CIPC: variants seen among roughly 807,000 people sequenced by gnomAD.
CIPC encodes CLOCK interacting pacemaker, also known as CLOCK-interacting pacemaker.
In CIPC, 12 loss-of-function variants were observed where a neutral mutation model predicts 26.7. The observed-to-expected ratio is 0.45, with a 90% CI of 0.29 to 0.73. CIPC has a LOEUF of 0.73. Ranked by LOEUF, CIPC falls within the 30% of genes least tolerant of loss-of-function variation. The probability of loss-of-function intolerance (pLI) is 0.12; values close to 1 mark genes in which losing one functional copy is unlikely to be tolerated. For missense variants in CIPC, 417 were observed against 486.5 expected (o/e 0.86, Z 1.34); for synonymous variants, 170 against 189.8 (o/e 0.90, Z 0.86).
At chr14:77,098,390 G>A (rs980620351) in intron 1 of CIPC, 29 bp downstream of exon 1, 1 of 152,972 alleles carries the variant, frequency 6.5e-6, no homozygotes, top group Non-Finnish European at 1.5e-5. Context: ...GGTCCGGGAG[G>A]AGGGGAGCAG....
intron 1 of CIPC, among the ~76,000 whole-genome samples, chr14:77,100,857 C>T (rs1886467348): frequency 6.6e-6 from 1 of 152,208 alleles, no homozygotes; most frequent in Non-Finnish European, 1.5e-5. Flanking sequence ...GTGTGAGCCA[C>T]CACACCCGGC....
Position 77,114,810 on chromosome 14 carries a change from G to A in CIPC, c.*492G>A, listed in dbSNP as rs116325448. On this transcript the variant is annotated 3_prime_UTR_variant, in exon 4 of 4. Coordinates refer to ENST00000361786, the MANE Select transcript of CIPC (RefSeq NM_033426.3). ...GGTTGTTTGCATCCCACAAGGCATCGTACTAGTTGGGCGAGACCTAAAATT... is the reference window on the plus strand; with the variant it reads ...GGTTGTTTGCATCCCACAAGGCATCATACTAGTTGGGCGAGACCTAAAATT... 4.6e-3 allele frequency: 723 copies of A among 157,402 alleles called. 9 individuals carry two copies. Among genetic ancestry groups the A allele is most frequent in the African/African-American group, 0.017 (692 of 41,570 alleles). 9.8% of individuals were successfully genotyped at this position (157,402 alleles called of 1,614,324 possible).
chr14:77,102,502 A>G (rs976000483), intron 1 of CIPC, among the ~76,000 whole-genome samples: 6 of 152,234 alleles, frequency 3.9e-5, no homozygotes, highest in African/African-American at 9.6e-5. Flanking sequence ...CTCTTATCCT[A>G]CAAATTCTCA....
intron 3 of CIPC, among the ~76,000 whole-genome samples, chr14:77,111,228 G>A (rs1279081090): frequency 1.3e-5 from 2 of 152,126 alleles, no homozygotes; most frequent in East Asian, 1.9e-4. Context: ...AGGCTAGGCT[G>A]GCAGCTCCAG....
At chr14:77,110,255 C>G (rs767396085) in intron 3 of CIPC, among the ~76,000 whole-genome samples, 1 of 151,980 alleles carries the variant, frequency 6.6e-6, no homozygotes. Flanking sequence ...CAAAGAGACC[C>G]TGAAATGTAT....
At chr14:77,100,729 C>T (rs1160381718) in intron 1 of CIPC, among the ~76,000 whole-genome samples, 4 of 151,606 alleles carry the variant, frequency 2.6e-5, no homozygotes, top group African/African-American at 9.7e-5. Context: ...CCACCACACC[C>T]AGCTAATTTT....
chr14:77,106,846 A>G (rs1160080377), intron 2 of CIPC, among the ~76,000 whole-genome samples: 2 of 152,236 alleles, frequency 1.3e-5, no homozygotes, highest in East Asian at 3.8e-4. Flanking sequence ...GGATTAGATT[A>G]AAAGGAATTA....
intron 1 of CIPC, among the ~76,000 whole-genome samples, chr14:77,104,330 C>T (rs916154026): frequency 1.3e-5 from 2 of 152,112 alleles, no homozygotes; most frequent in Non-Finnish European, 2.9e-5. Context: ...GAGGCTGCAG[C>T]GAGCCATGAT....
chr14:77,102,759 A>G (rs776436684), intron 1 of CIPC, among the ~76,000 whole-genome samples: 14 of 152,168 alleles, frequency 9.2e-5, no homozygotes, highest in Non-Finnish European at 1.9e-4. Flanking sequence ...ATCTAAATCA[A>G]CAGCCTGGTC....
intron 2 of CIPC, 95 bp from the exon 3 acceptor site, chr14:77,109,717 G>C: frequency 2.7e-6 from 3 of 1,100,984 alleles, no homozygotes; most frequent in Non-Finnish European, 3.9e-6. Flanking sequence ...CACAAGTGTT[G>C]CATTCAATTT....
intron 1 of CIPC, among the ~76,000 whole-genome samples, chr14:77,101,395 C>A (rs1309638024): frequency 6.6e-6 from 1 of 152,158 alleles, no homozygotes; most frequent in African/African-American, 2.4e-5. Flanking sequence ...AATGCTAAGG[C>A]TTTTTGCTGC....
At chr14:77,101,899 AACATAG>A (rs1452038278) in intron 1 of CIPC, among the ~76,000 whole-genome samples, 1 of 152,148 alleles carries the variant, frequency 6.6e-6, no homozygotes, top group Non-Finnish European at 1.5e-5. Context: ...CAGCTTGGGC[AACATAG>A]CAAGACCCAG....
At chr14:77,108,244 T>C (rs1021593530) in intron 2 of CIPC, among the ~76,000 whole-genome samples, 4 of 152,252 alleles carry the variant, frequency 2.6e-5, no homozygotes, top group Non-Finnish European at 4.4e-5. Context: ...CAGATTTCTT[T>C]ACCATTAAAG....
chr14:77,105,940 C>A (rs1886583684), intron 2 of CIPC, 96 bp downstream of exon 2: 1 of 1,405,788 alleles, frequency 7.1e-7, no homozygotes, highest in Admixed American at 1.9e-5. Context: ...GGATGGGATG[C>A]TTTCACACAC....
chr14:77,113,271 C>T (rs1886738692), intron 3 of CIPC, 154 bp from the exon 4 acceptor site: 2 of 790,868 alleles, frequency 2.5e-6, no homozygotes, highest in Non-Finnish European at 4.3e-6. Flanking sequence ...TGATATCAGA[C>T]ACAAATAGAT....
At chr14:77,100,240 CTTTTTTTT>C (rs57785837) in intron 1 of CIPC, among the ~76,000 whole-genome samples, 1 of 130,522 alleles carries the variant, frequency 7.7e-6, no homozygotes, top group Non-Finnish European at 1.6e-5. Context: ...TTCTTTCTTT[CTTTTTTTT>C]TTTTTTTTTT....
chr14:77,109,848 T>TG lies in CIPC; in HGVS notation c.175dup (p.Glu59GlyfsTer61). On this transcript the variant is annotated frameshift_variant, in exon 3 of 4. Coordinates refer to ENST00000361786, the MANE Select transcript of CIPC (RefSeq NM_033426.3). LOFTEE classifies it high-confidence loss of function. ...GAATGTCTGAGCTCTGCAGAGCAGA[T>TG]GGAGTCCGAGGACATGCTGAGCGCC... The TG allele has an allele frequency of 6.2e-7, 1 of 1,614,140 alleles. No individual in the cohort carries two copies. Among genetic ancestry groups the TG allele is most frequent in the Non-Finnish European group, 8.5e-7 (1 of 1,180,000 alleles).
rs1445992697 is a variant in CIPC, at chr14:77,114,256, A to G, written c.1138A>G (p.Thr380Ala). 6.2e-7 allele frequency: 1 copy of G among 1,614,052 alleles called. No homozygotes were observed. The highest frequency in any genetic ancestry group is 2.2e-5 in the East Asian group (1 of 44,870). The change falls in exon 4 of 4, where the codon ACA (threonine) becomes GCA (alanine). Residue 380 changes from threonine to alanine, a missense_variant. Physicochemically the swap from Thr to Ala is moderately conservative, Grantham distance 58 (BLOSUM62 0). Coordinates refer to ENST00000361786, the MANE Select transcript of CIPC (RefSeq NM_033426.3). ...QAWAKLQASL[T>A]PGSSNTGSDL... ...TTGGGCCAAGCTGCAGGCATCTTTA[A>G]CACCTGGGTCCAGTAATACAGGCAG... is the stretch of plus-strand genomic sequence containing the variant.
At position 77,112,607 on chromosome 14, in the gene CIPC, T is replaced by C. The variant is rs1268425313; in HGVS notation, c.307-818T>C. ...CAGCACCAATACATGGTAGCTGTTA[T>C]TATTTTGAATGGTTTTATGATTGTT... is the stretch of plus-strand genomic sequence containing the variant. On this transcript the variant is annotated intron_variant, in intron 3 of 3. Coordinates refer to ENST00000361786, the MANE Select transcript of CIPC (RefSeq NM_033426.3). 5.9e-5 allele frequency among the ~76,000 whole-genome samples: 9 copies of C among 152,184 alleles called. 1 individual carries two copies. Among genetic ancestry groups the C allele is most frequent in the Admixed American group, 5.9e-4 (9 of 15,284 alleles).
Sources: gnomAD v4.1 joint callset for allele counts (sites outside exome capture counted in the v4.1 genomes callset) on GRCh38, gnomAD v4.1.1 for gene constraint, MANE v1.5 for transcripts, NCBI Gene and HGNC (gene_info 2026-07-23, HGNC 2026-07-21) for gene names.